Variants in ATP13A4 observed in about 807,000 individuals in gnomAD.
The protein encoded by ATP13A4 is ATPase 13A4.
In ATP13A4, 114 loss-of-function variants were observed where a neutral mutation model predicts 142.5. That is an observed-to-expected ratio of 0.80 (90% CI 0.69 to 0.93). ATP13A4 has a LOEUF of 0.93. Among genes scored for constraint, ATP13A4 ranks in the 40% least tolerant of loss-of-function variants. The pLI, the probability that ATP13A4 is intolerant of heterozygous loss-of-function variation, is 0.00. For synonymous variants in ATP13A4, 488 were observed against 514.8 expected (o/e 0.95, Z 0.70); for missense variants, 1,392 against 1,454.0 (o/e 0.96, Z 0.69).
chr3:193,513,975 G>A (rs1721271129), intron 2 of ATP13A4, among the ~76,000 whole-genome samples: 1 of 152,180 alleles, frequency 6.6e-6, no homozygotes, highest in African/African-American at 2.4e-5. Flanking sequence ...GTTATTTTTA[G>A]CTATTAACAT....
chr3:193,564,261 G>A (rs1486985012), intron 2 of ATP13A4, among the ~76,000 whole-genome samples: 5 of 152,224 alleles, frequency 3.3e-5, no homozygotes, highest in Admixed American at 3.3e-4. Context: ...AAAGCTGCAT[G>A]GCATTTGGCA....
Position 193,553,456 on chromosome 3 carries a change from G to T in ATP13A4, c.60+1284C>A, listed in dbSNP as rs554890374. 6.6e-5 allele frequency: 10 copies of T among 152,298 alleles called. No individual in the cohort carries two copies. The East Asian group carries it at 1.9e-3, about 29-fold the overall frequency. 9.4% of individuals were successfully genotyped at this position (152,298 alleles called of 1,614,324 possible). ...TCAGAGGAAGGAGCCCCTGCCTTCT[G>T]GTGAAGAGTATTCAAGATGAAGATA... On this transcript the variant is annotated intron_variant, in intron 1 of 29. Coordinates refer to ENST00000342695, the MANE Select transcript of ATP13A4 (RefSeq NM_032279.4).
chr3:193,405,958 G>A (rs1258703499), intron 29 of ATP13A4, among the ~76,000 whole-genome samples: 1 of 152,158 alleles, frequency 6.6e-6, no homozygotes, highest in African/African-American at 2.4e-5. Context: ...CACTGGGTCT[G>A]AGGACACCCG....
chr3:193,578,913 C>G (rs1724469333), intron 2 of ATP13A4: 2 of 206,228 alleles, frequency 9.7e-6, no homozygotes, highest in Admixed American at 8.5e-5. Context: ...TTAATTATTT[C>G]CTCCTATCTC....
At position 193,401,242 on chromosome 3, in the gene ATP13A4, A is replaced by T. The variant is rs1179356569; in HGVS notation, c.*1410T>A. Among the ~76,000 whole-genome samples the T allele has an allele frequency of 6.6e-6, 1 of 152,186 alleles. No homozygotes were observed. The highest frequency in any genetic ancestry group is 1.5e-5 in the Non-Finnish European group (1 of 68,032). ...AATTTTGCTTTTGCCTTAAAATATT[A>T]TATGTAGGTGTGCTCCTAGAGTTCA... On this transcript the variant is annotated 3_prime_UTR_variant, in exon 30 of 30. Transcript: ENST00000342695.
At chr3:193,470,633 C>T (rs1718562953) in intron 9 of ATP13A4, among the ~76,000 whole-genome samples, 1 of 152,128 alleles carries the variant, frequency 6.6e-6, no homozygotes, top group Non-Finnish European at 1.5e-5. Flanking sequence ...CACTCAAAAA[C>T]TTATTATTGT....
At chr3:193,582,357 G>A (rs540128308) in intron 1 of ATP13A4, among the ~76,000 whole-genome samples, 245 of 149,016 alleles carry the variant, frequency 1.6e-3, no homozygotes, top group Middle Eastern at 0.014. Context: ...CCACGTTGGC[G>A]AAGATGTTCT....
intron 2 of ATP13A4, among the ~76,000 whole-genome samples, chr3:193,574,594 T>A (rs1376621890): frequency 6.6e-6 from 1 of 152,048 alleles, no homozygotes. Context: ...CATGCACCTG[T>A]AATCCTAGCT....
chr3:193,486,193 G>C (rs1719606025), intron 7 of ATP13A4, among the ~76,000 whole-genome samples: 1 of 151,900 alleles, frequency 6.6e-6, no homozygotes, highest in African/African-American at 2.4e-5. Flanking sequence ...ATTTTTAAGA[G>C]TTTAAAGAGC....
intron 28 of ATP13A4, among the ~76,000 whole-genome samples, chr3:193,407,911 C>A (rs531795900): frequency 6.6e-6 from 1 of 152,358 alleles, no homozygotes; most frequent in African/African-American, 2.4e-5. Context: ...TGGCTCAGGG[C>A]TTCACCCTCA....
chr3:193,520,502 G>T (rs2108689728), intron 1 of ATP13A4, among the ~76,000 whole-genome samples: 1 of 152,272 alleles, frequency 6.6e-6, no homozygotes, highest in South Asian at 2.1e-4. Flanking sequence ...GAGTTGAAAA[G>T]ATGCTAAAGG....
intron 1 of ATP13A4, among the ~76,000 whole-genome samples, chr3:193,525,782 A>G (rs77784985): frequency 0.035 from 5,337 of 152,324 alleles, 110 homozygotes; most frequent in African/African-American, 0.053. Flanking sequence ...TATTTTATAT[A>G]TTAATCTTCC....
At chr3:193,567,921 C>T (rs1056088343) in intron 2 of ATP13A4, among the ~76,000 whole-genome samples, 3 of 152,144 alleles carry the variant, frequency 2.0e-5, no homozygotes, top group South Asian at 2.1e-4. Context: ...TTTGGTAAAA[C>T]ACAGCCACCT....
chr3:193,523,114 C>A (rs911773287), intron 1 of ATP13A4, among the ~76,000 whole-genome samples: 16 of 152,052 alleles, frequency 1.1e-4, no homozygotes, highest in African/African-American at 3.9e-4. Flanking sequence ...ATCAGCCTAG[C>A]CAACAAGGTG....
chr3:193,422,940 T>C (rs1343792787), intron 25 of ATP13A4, among the ~76,000 whole-genome samples: 1 of 149,356 alleles, frequency 6.7e-6, no homozygotes, highest in East Asian at 2.1e-4. Flanking sequence ...AGAGTTGGTT[T>C]TCTGAGGAGA....
chr3:193,420,590 A>G (rs947318537), intron 25 of ATP13A4, among the ~76,000 whole-genome samples: 2 of 149,960 alleles, frequency 1.3e-5, no homozygotes, highest in African/African-American at 4.9e-5. Context: ...GTGAGATACA[A>G]GAGAATACAG....
intron 1 of ATP13A4, among the ~76,000 whole-genome samples, chr3:193,589,542 A>G (rs1009756834): frequency 1.3e-5 from 2 of 152,172 alleles, no homozygotes; most frequent in African/African-American, 4.8e-5. Flanking sequence ...TTCGTTGGAT[A>G]ATTCTGAAAA....
At chr3:193,403,002 C>T in intron 29 of ATP13A4, 138 bp from the exon 30 acceptor site, 1 of 790,632 alleles carries the variant, frequency 1.3e-6, no homozygotes, top group East Asian at 2.7e-5. Flanking sequence ...CTGGACCAAT[C>T]TAAGGTGGTT....
intron 17 of ATP13A4, among the ~76,000 whole-genome samples, chr3:193,448,921 T>C (rs1376074670): frequency 6.6e-6 from 1 of 152,178 alleles, no homozygotes; most frequent in Non-Finnish European, 1.5e-5. Context: ...CTGATTTTCA[T>C]TGCCTCACCT....
Sources: gnomAD v4.1 joint callset for allele counts (sites outside exome capture counted in the v4.1 genomes callset) on GRCh38, gnomAD v4.1.1 for gene constraint, MANE v1.5 for transcripts, NCBI Gene and HGNC (gene_info 2026-07-23, HGNC 2026-07-21) for gene names.